Variants in SEPTIN9 observed in about 807,000 individuals in gnomAD.
The protein encoded by SEPTIN9 is septin 9.
A neutral mutation model predicts 56.6 loss-of-function variants in SEPTIN9; 13 were observed. That is an observed-to-expected ratio of 0.23 (90% CI 0.15 to 0.37). The LOEUF is 0.37. SEPTIN9 is among the 10% of genes least tolerant of loss of function. The probability of loss-of-function intolerance (pLI) is 1.00; values close to 1 mark genes in which losing one functional copy is unlikely to be tolerated. For missense variants in SEPTIN9, 650 were observed against 823.1 expected, an observed-to-expected ratio of 0.79 and a Z score of 2.57; for synonymous variants, 332 against 334.1, an observed-to-expected ratio of 0.99 and a Z score of 0.07.
intron 3 of SEPTIN9, among the ~76,000 whole-genome samples, chr17:77,416,818 C>T (rs1465000904): frequency 6.6e-6 from 1 of 152,200 alleles, no homozygotes; most frequent in Non-Finnish European, 1.5e-5. Flanking sequence ...CTCCCAGTCA[C>T]CTCATCCCTT....
At chr17:77,295,563 G>A (rs572220994) in intron 1 of SEPTIN9, among the ~76,000 whole-genome samples, 13 of 152,280 alleles carry the variant, frequency 8.5e-5, no homozygotes, top group African/African-American at 3.1e-4. Context: ...AAGCCAGCAG[G>A]CCTGGGGACC....
At chr17:77,291,122 G>A (rs1487130217) in intron 1 of SEPTIN9, among the ~76,000 whole-genome samples, 5 of 144,416 alleles carry the variant, frequency 3.5e-5, no homozygotes, top group African/African-American at 1.3e-4. Context: ...TGCAACCCCC[G>A]GCTCCTGGAT....
chr17:77,387,882 C>T (rs2035392044), intron 2 of SEPTIN9, among the ~76,000 whole-genome samples: 1 of 143,894 alleles, frequency 6.9e-6, no homozygotes, highest in African/African-American at 2.6e-5. Context: ...TGACCCTCCA[C>T]CCCCACCTCC....
chr17:77,419,674 G>C (rs1233240310), intron 3 of SEPTIN9: 1 of 152,470 alleles, frequency 6.6e-6, no homozygotes. Flanking sequence ...CTTAGGCCGT[G>C]CCGGCACCTG....
At position 77,476,000 on chromosome 17, in the gene SEPTIN9, C is replaced by G; in HGVS notation, c.722-6144C>G. On this transcript the variant is annotated intron_variant, in intron 3 of 11. Coordinates refer to ENST00000427177, the MANE Select transcript of SEPTIN9 (RefSeq NM_001113491.2). The surrounding 1 kb of genome is among the most constrained non-coding windows in gnomAD (Gnocchi z 4.6). ...GGAATGGCATTGACTTGACCCTGAGCACTTTGTCCTGGGGTGCAGGCCCGG... is the reference window on the plus strand; with the variant it reads ...GGAATGGCATTGACTTGACCCTGAGGACTTTGTCCTGGGGTGCAGGCCCGG... 1 of 1,338,234 alleles carries G rather than the reference C, an allele frequency of 7.5e-7. No homozygotes were observed. The highest frequency in any genetic ancestry group is 1.3e-5 in the South Asian group (1 of 75,060). 82.9% of individuals were successfully genotyped at this position (1,338,234 alleles called of 1,614,324 possible). A position where few individuals can be genotyped will look rare whatever the true frequency, so the allele number is the denominator to read the frequency against.
rs35233871 is a variant in SEPTIN9 at position 77,491,805 on chromosome 17, CAAAAA to C, written c.1381-798_1381-794del. Among the ~76,000 whole-genome samples the C allele has an allele frequency of 1.9e-3, 114 of 59,598 alleles. 1 individual carries two copies. Among genetic ancestry groups the C allele is most frequent in the African/African-American group, 7.2e-3 (110 of 15,338 alleles). The allele number at this position is 59,598 out of a possible 152,430, so 39.1% of individuals were successfully genotyped here. A position where few individuals can be genotyped will look rare whatever the true frequency, so the allele number is the denominator to read the frequency against. Reference sequence around the variant, plus strand: ...TGGGTGACAGAGCGAGACTCCATCTCAAAAAAAAAAAAAAAAAAAAAAGTTTCAGG... The same window carrying C: ...TGGGTGACAGAGCGAGACTCCATCTCAAAAAAAAAAAAAAAAAGTTTCAGG... On this transcript the variant is annotated intron_variant, in intron 8 of 11. Transcript: ENST00000427177.
intron 2 of SEPTIN9, chr17:77,375,802 G>C (rs1025570865): frequency 6.5e-6 from 1 of 152,912 alleles, no homozygotes; most frequent in African/African-American, 2.4e-5. Flanking sequence ...GTCGATAGGC[G>C]TGAGAGAGTG....
intron 3 of SEPTIN9, among the ~76,000 whole-genome samples, chr17:77,439,999 C>T (rs1308599045): frequency 6.6e-6 from 1 of 152,162 alleles, no homozygotes; most frequent in Admixed American, 6.5e-5. Context: ...CCCCAGGTCC[C>T]CTGATGCTGC....
chr17:77,304,340 G>T (rs970786228), intron 1 of SEPTIN9, among the ~76,000 whole-genome samples: 3 of 152,204 alleles, frequency 2.0e-5, no homozygotes, highest in Non-Finnish European at 4.4e-5. Flanking sequence ...TAGGAAATCA[G>T]AAAAATAAAC....
In SEPTIN9 at chr17:77,388,837, A is replaced by AT. The variant is rs1336153024; in HGVS notation, c.77-13216dup. 6.7e-4 allele frequency among the ~76,000 whole-genome samples: 24 copies of AT among 35,748 alleles called. No individual in the cohort carries two copies. In the East Asian group the frequency reaches 0.01, roughly 15 times the overall value. 23.5% of individuals were successfully genotyped at this position (35,748 alleles called of 152,430 possible). On this transcript the variant is annotated intron_variant, in intron 2 of 11. Transcript: ENST00000427177. ...TTTTTTTTTTTTTTTTTTTTTTTGC[A>AT]TTTTTTAAGTGCTTGTAACATTTCC...
intron 2 of SEPTIN9, among the ~76,000 whole-genome samples, chr17:77,312,630 T>C (rs1366298121): frequency 6.6e-6 from 1 of 152,084 alleles, no homozygotes; most frequent in Non-Finnish European, 1.5e-5. Flanking sequence ...AGTCAGGAAA[T>C]ATTGCTGGAC....
chr17:77,289,407 C>CTTTT (rs572213399), intron 1 of SEPTIN9, among the ~76,000 whole-genome samples: 1 of 102,542 alleles, frequency 9.8e-6, no homozygotes, highest in African/African-American at 3.9e-5. Flanking sequence ...TGCATTTATG[C>CTTTT]TTTTTTTTTT....
At chr17:77,384,189 G>C (rs1042040031) in intron 2 of SEPTIN9, among the ~76,000 whole-genome samples, 8 of 152,184 alleles carry the variant, frequency 5.3e-5, no homozygotes, top group Admixed American at 5.2e-4. Context: ...TCTCCTGCCT[G>C]TGTTCCGTGG....
intron 1 of SEPTIN9, among the ~76,000 whole-genome samples, chr17:77,300,577 T>C (rs1424149919): frequency 6.6e-6 from 1 of 152,160 alleles, no homozygotes; most frequent in Non-Finnish European, 1.5e-5. Flanking sequence ...GTCCACTAAG[T>C]CTGGAGATAA....
At position 77,405,064 on chromosome 17, in the gene SEPTIN9, T is replaced by C. The variant is rs1479947024; in HGVS notation, c.721+2361T>C. The C allele has an allele frequency of 6.5e-7, 1 of 1,533,788 alleles. No homozygotes were observed. The highest frequency in any genetic ancestry group is 2.0e-5 in the Admixed American group (1 of 50,860). On this transcript the variant is annotated intron_variant, in intron 3 of 11. Transcript: ENST00000427177. The surrounding 1 kb of genome is among the most constrained non-coding windows in gnomAD (Gnocchi z 5.8). ...AAACAGGATGTGGCTGGGGAGGCGG[T>C]TGTCACCGAGCCATCTAAATCTCGG...
At chr17:77,474,924 T>C (rs1043954623) in intron 3 of SEPTIN9, among the ~76,000 whole-genome samples, 24 of 151,992 alleles carry the variant, frequency 1.6e-4, no homozygotes, top group Admixed American at 8.5e-4. Context: ...CCCAGCACTT[T>C]GGGAGGCCAA....
intron 2 of SEPTIN9, among the ~76,000 whole-genome samples, chr17:77,386,869 C>A (rs1193188489): frequency 3.3e-5 from 5 of 152,254 alleles, no homozygotes; most frequent in African/African-American, 9.6e-5. Flanking sequence ...GGGGTCAGTT[C>A]TCTCCAGGAT....
chr17:77,427,440 C>T (rs1033867876), intron 3 of SEPTIN9, among the ~76,000 whole-genome samples: 3 of 152,318 alleles, frequency 2.0e-5, no homozygotes, highest in African/African-American at 7.2e-5. Context: ...AATAGCTAGA[C>T]TGGGTTTTCC....
chr17:77,486,478 G>C (rs1417798886), intron 4 of SEPTIN9, among the ~76,000 whole-genome samples: 1 of 147,960 alleles, frequency 6.8e-6, no homozygotes, highest in Non-Finnish European at 1.5e-5. Context: ...GGGGCTCCGA[G>C]TCTGGAGGGG....
Sources: gnomAD v4.1 joint callset for allele counts (sites outside exome capture counted in the v4.1 genomes callset) on GRCh38, gnomAD v4.1.1 for gene constraint, Gnocchi (gnomAD v3.1) non-coding constraint, MANE v1.5 for transcripts, NCBI Gene and HGNC (gene_info 2026-07-23, HGNC 2026-07-21) for gene names.